CDH12: variants seen among roughly 807,000 people sequenced by gnomAD.
The protein encoded by CDH12 is cadherin-12.
Under a neutral mutation model 74.1 loss-of-function variants are expected in CDH12, and 41 were observed. That is an observed-to-expected ratio of 0.55 (90% confidence interval 0.43 to 0.72). The LOEUF is 0.72. Among genes scored for constraint, CDH12 ranks in the 30% least tolerant of loss-of-function variants. The pLI is 0.00. For missense variants in CDH12, 945 were observed against 977.2 expected, an observed-to-expected ratio of 0.97 and a Z score of 0.44; for synonymous variants, 399 against 355.0, an observed-to-expected ratio of 1.12 and a Z score of -1.39.
chr5:22,385,101 T>G (rs952443409), intron 3 of CDH12, among the ~76,000 whole-genome samples: 1 of 152,132 alleles, frequency 6.6e-6, no homozygotes, highest in South Asian at 2.1e-4. Flanking sequence ...ATGTATTGGG[T>G]TAAGTGGTTA....
At chr5:22,415,853 C>T (rs1191335443) in intron 2 of CDH12, among the ~76,000 whole-genome samples, 1 of 151,494 alleles carries the variant, frequency 6.6e-6, no homozygotes, top group Admixed American at 6.6e-5. Context: ...GTTGGCAATA[C>T]AAAAGAGTCT....
chr5:22,644,049 C>T (rs542372219), intron 1 of CDH12, among the ~76,000 whole-genome samples: 1 of 152,102 alleles, frequency 6.6e-6, no homozygotes, highest in South Asian at 2.1e-4. Flanking sequence ...AACCACAAGC[C>T]ATTCCCTGTC....
At chr5:22,429,308 T>G (rs1744072750) in intron 2 of CDH12, among the ~76,000 whole-genome samples, 1 of 151,888 alleles carries the variant, frequency 6.6e-6, no homozygotes, top group African/African-American at 2.4e-5. Context: ...CTTTTGTTTT[T>G]TTGCATTTTT....
At chr5:21,838,220 A>G (rs1749647867) in intron 8 of CDH12, among the ~76,000 whole-genome samples, 1 of 152,204 alleles carries the variant, frequency 6.6e-6, no homozygotes, top group Admixed American at 6.5e-5. Flanking sequence ...AAAGGAAATC[A>G]AGATAGTAAT....
intron 1 of CDH12, among the ~76,000 whole-genome samples, chr5:22,520,710 G>T (rs1043300070): frequency 6.6e-6 from 1 of 152,112 alleles, no homozygotes; most frequent in African/African-American, 2.4e-5. Flanking sequence ...TTCAGTGATC[G>T]TTATATAAAG....
intron 1 of CDH12, among the ~76,000 whole-genome samples, chr5:22,779,956 T>A (rs1439029641): frequency 6.6e-6 from 1 of 152,216 alleles, no homozygotes; most frequent in Non-Finnish European, 1.5e-5. Flanking sequence ...ATAGTACACA[T>A]TTAATACATT....
chr5:22,718,908 A>T (rs1226873161), intron 1 of CDH12, among the ~76,000 whole-genome samples: 1 of 152,124 alleles, frequency 6.6e-6, no homozygotes, highest in East Asian at 1.9e-4. Context: ...TCTCTCTGGG[A>T]CTTTGCCCTG....
intron 8 of CDH12, among the ~76,000 whole-genome samples, chr5:21,831,987 C>A (rs1187807885): frequency 6.6e-6 from 1 of 152,080 alleles, no homozygotes; most frequent in Non-Finnish European, 1.5e-5. Context: ...ACAAATATTA[C>A]AAGTATTAAA....
At chr5:21,873,935 T>C (rs1751789301) in intron 6 of CDH12, among the ~76,000 whole-genome samples, 1 of 152,238 alleles carries the variant, frequency 6.6e-6, no homozygotes, top group Non-Finnish European at 1.5e-5. Flanking sequence ...GAACATGATC[T>C]CATTCCCTTT....
chr5:22,309,841 C>T (rs1239459356), intron 3 of CDH12, among the ~76,000 whole-genome samples: 1 of 151,598 alleles, frequency 6.6e-6, no homozygotes, highest in Non-Finnish European at 1.5e-5. Context: ...CAAAATAAAC[C>T]CCTTCAGTAA....
chr5:22,727,405 G>GT (rs977950236), intron 1 of CDH12, among the ~76,000 whole-genome samples: 5 of 151,496 alleles, frequency 3.3e-5, no homozygotes, highest in Non-Finnish European at 5.9e-5. Context: ...AATTTAGTGG[G>GT]TTTTTTTGGT....
chr5:22,038,971 G>A (rs951718403), intron 5 of CDH12, among the ~76,000 whole-genome samples: 3 of 152,162 alleles, frequency 2.0e-5, no homozygotes, highest in Admixed American at 1.3e-4. Context: ...CATTCTTCCC[G>A]GGGAGTTAAA....
chr5:22,391,418 T>C (rs1352702103), intron 3 of CDH12, among the ~76,000 whole-genome samples: 1 of 152,218 alleles, frequency 6.6e-6, no homozygotes, highest in Non-Finnish European at 1.5e-5. Context: ...GACATTTCTT[T>C]TACAAAACAA....
At chr5:22,364,493 T>G (rs1383144511) in intron 3 of CDH12, among the ~76,000 whole-genome samples, 1 of 152,116 alleles carries the variant, frequency 6.6e-6, no homozygotes, top group East Asian at 1.9e-4. Flanking sequence ...CAGGGGAGCT[T>G]TTCTATGTGG....
At chr5:22,091,953 T>C (rs1463077881) in intron 4 of CDH12, among the ~76,000 whole-genome samples, 4 of 151,782 alleles carry the variant, frequency 2.6e-5, no homozygotes, top group African/African-American at 9.7e-5. Context: ...AAATTAGTCT[T>C]TTTTTTATGT....
chr5:22,300,965 G>T (rs1737855813), intron 3 of CDH12, among the ~76,000 whole-genome samples: 1 of 152,022 alleles, frequency 6.6e-6, no homozygotes, highest in African/African-American at 2.4e-5. Context: ...GTATAAAATG[G>T]ATTAATATTT....
At chr5:21,880,535 T>TTTCCTTCCTTCCTTCCTTCCTTCC (rs750768178) in intron 6 of CDH12, among the ~76,000 whole-genome samples, 4,067 of 31,246 alleles carry the variant, frequency 0.13, 1,424 homozygotes, top group Non-Finnish European at 0.26. Flanking sequence ...TCTTCCTTCT[T>TTTCCTTCCTTCCTTCCTTCCTTCC]TTCCTTCCTT....
intron 1 of CDH12, among the ~76,000 whole-genome samples, chr5:22,772,352 T>C (rs1178451814): frequency 6.6e-6 from 1 of 151,912 alleles, no homozygotes; most frequent in Non-Finnish European, 1.5e-5. Flanking sequence ...AAGAATGATG[T>C]CGGTTCAAAG....
intron 3 of CDH12, among the ~76,000 whole-genome samples, chr5:22,296,498 T>C (rs1349353150): frequency 2.0e-5 from 3 of 152,202 alleles, no homozygotes; most frequent in African/African-American, 7.2e-5. Flanking sequence ...TTTCAATTTG[T>C]GACGGATACT....
Sources: gnomAD v4.1 joint callset for allele counts (sites outside exome capture counted in the v4.1 genomes callset) on GRCh38, gnomAD v4.1.1 for gene constraint, MANE v1.5 for transcripts, NCBI Gene and HGNC (gene_info 2026-07-23, HGNC 2026-07-21) for gene names.